Variants in SRBD1 observed in about 807,000 individuals in gnomAD.
SRBD1 encodes S1 RNA binding domain 1.
Under a neutral mutation model 115.3 loss-of-function variants are expected in SRBD1, and 88 were observed. That is an observed-to-expected ratio of 0.76 (90% CI 0.64 to 0.91). The LOEUF is 0.91. SRBD1 is among the 40% of genes least tolerant of loss of function. The pLI is 0.00. For synonymous variants in SRBD1, 509 were observed against 407.7 expected, an observed-to-expected ratio of 1.25 and a Z score of -2.99; for missense variants, 1,385 against 1,177.4, an observed-to-expected ratio of 1.18 and a Z score of -2.58.
chr2:45,425,710 TC>T (rs1041508733), intron 16 of SRBD1, among the ~76,000 whole-genome samples: 1 of 151,836 alleles, frequency 6.6e-6, no homozygotes, highest in Non-Finnish European at 1.5e-5. Flanking sequence ...GGGAACTCAC[TC>T]AGAAAGCACA....
At chr2:45,609,161 A>G (rs1000995884) in intron 1 of SRBD1, among the ~76,000 whole-genome samples, 2 of 152,210 alleles carry the variant, frequency 1.3e-5, no homozygotes, top group African/African-American at 2.4e-5. Flanking sequence ...TACACTGCAC[A>G]TGTTTAAAGT....
chr2:45,555,488 CT>C (rs35646522), intron 10 of SRBD1, among the ~76,000 whole-genome samples: 7,651 of 121,294 alleles, frequency 0.063, 155 homozygotes, highest in Non-Finnish European at 0.092. Context: ...TCATTAAACC[CT>C]TTTTTTTTTT....
intron 3 of SRBD1, among the ~76,000 whole-genome samples, chr2:45,600,893 C>T (rs1253717530): frequency 6.6e-6 from 1 of 152,074 alleles, no homozygotes; most frequent in Non-Finnish European, 1.5e-5. Flanking sequence ...ATATTAAGAA[C>T]TACAATAAAG....
chr2:45,507,688 C>T (rs1318160766), intron 14 of SRBD1, among the ~76,000 whole-genome samples: 3 of 151,420 alleles, frequency 2.0e-5, no homozygotes, highest in Non-Finnish European at 4.4e-5. Flanking sequence ...CCACTGTACT[C>T]GAACCTGGGC....
intron 19 of SRBD1, among the ~76,000 whole-genome samples, chr2:45,396,798 C>T (rs774390487): frequency 1.2e-4 from 19 of 152,220 alleles, no homozygotes; most frequent in Middle Eastern, 6.8e-3. Flanking sequence ...TCATTTCCAG[C>T]ATGGAGATTT....
At chr2:45,529,377 A>G (rs1157714129) in intron 14 of SRBD1, among the ~76,000 whole-genome samples, 2 of 152,014 alleles carry the variant, frequency 1.3e-5, no homozygotes, top group East Asian at 3.9e-4. Flanking sequence ...AAGAACTAAG[A>G]TATTTCAAAG....
chr2:45,574,525 C>G, intron 8 of SRBD1, 102 bp downstream of exon 8: 1 of 1,090,456 alleles, frequency 9.2e-7, no homozygotes, highest in Non-Finnish European at 1.3e-6. Context: ...AAAAAAAAGT[C>G]TGAAAACAAA....
At chr2:45,601,228 T>C (rs539125252) in intron 3 of SRBD1, among the ~76,000 whole-genome samples, 200 of 152,364 alleles carry the variant, frequency 1.3e-3, no homozygotes, top group African/African-American at 4.4e-3. Flanking sequence ...TGGATTTATC[T>C]CATCATCCTA....
chr2:45,580,541 A>G (rs1047699799), intron 6 of SRBD1, among the ~76,000 whole-genome samples: 3 of 47,522 alleles, frequency 6.3e-5, no homozygotes, highest in African/African-American at 2.5e-4. Context: ...TTGCATTTTT[A>G]GTAGAGACAG....
At chr2:45,508,677 A>G (rs1280842390) in intron 14 of SRBD1, among the ~76,000 whole-genome samples, 1 of 152,192 alleles carries the variant, frequency 6.6e-6, no homozygotes, top group Non-Finnish European at 1.5e-5. Context: ...TACAAACTCA[A>G]TGTGTGATAT....
At chr2:45,493,975 T>C (rs1001618593) in intron 14 of SRBD1, among the ~76,000 whole-genome samples, 4 of 152,130 alleles carry the variant, frequency 2.6e-5, no homozygotes, top group Admixed American at 6.5e-5. Flanking sequence ...CTCTCTGAAC[T>C]AGCTATTATA....
At chr2:45,449,002 C>T (rs1256843436) in intron 16 of SRBD1, among the ~76,000 whole-genome samples, 1 of 152,112 alleles carries the variant, frequency 6.6e-6, no homozygotes, top group East Asian at 1.9e-4. Flanking sequence ...GTGAACCCAG[C>T]TTTTAACTAT....
chr2:45,419,698 A>T, intron 17 of SRBD1, 90 bp downstream of exon 17: 1 of 1,095,582 alleles, frequency 9.1e-7, no homozygotes, highest in Non-Finnish European at 1.4e-6. Flanking sequence ...TGACAACTTT[A>T]TACACGTGTT....
Position 45,393,122 on chromosome 2 carries a change from A to G in SRBD1, c.2521T>C (p.Ser841Pro). 6.2e-7 allele frequency: 1 copy of G among 1,601,592 alleles called. No individual in the cohort carries two copies. Among genetic ancestry groups the G allele is most frequent in the Non-Finnish European group, 8.5e-7 (1 of 1,175,912 alleles). ...TCATACAGTGTCCCTCCAATGGATGACAAAAACCTGCAGTGGAAAAAATAA... is the reference window on the plus strand; with the variant it reads ...TCATACAGTGTCCCTCCAATGGATGGCAAAAACCTGCAGTGGAAAAAATAA... ...ESYDIAMRFL[S>P]SIGGTLYEVG... Residue 841 changes from serine (S) to proline (P), a missense_variant, in exon 20 of 21, where the codon TCA becomes CCA. Coordinates refer to ENST00000263736, the MANE Select transcript of SRBD1 (RefSeq NM_018079.5).
At position 45,403,584 on chromosome 2, in the gene SRBD1, A is replaced by T. The variant is rs865887015; in HGVS notation, c.2513+9530T>A. Among the ~76,000 whole-genome samples, 5 of 152,306 alleles carry T rather than the reference A, an allele frequency of 3.3e-5. 1 individual carries two copies. In the Middle Eastern group the frequency reaches 0.014, roughly 414 times the overall value. On this transcript the variant is annotated intron_variant, in intron 19 of 20. Coordinates refer to ENST00000263736, the MANE Select transcript of SRBD1 (RefSeq NM_018079.5). Reference sequence around the variant, plus strand: ...CAGCCAATAATTATAAACTAACCTGAAATTTAATTGTCACTAGCTTAGTAA... The same window carrying T: ...CAGCCAATAATTATAAACTAACCTGTAATTTAATTGTCACTAGCTTAGTAA...
At chr2:45,419,311 G>T (rs1667928892) in intron 17 of SRBD1, among the ~76,000 whole-genome samples, 1 of 152,174 alleles carries the variant, frequency 6.6e-6, no homozygotes, top group African/African-American at 2.4e-5. Context: ...TGGGGGAAAA[G>T]AAGATTATAT....
At chr2:45,427,596 C>T (rs1212432961) in intron 16 of SRBD1, among the ~76,000 whole-genome samples, 1 of 152,162 alleles carries the variant, frequency 6.6e-6, no homozygotes, top group African/African-American at 2.4e-5. Context: ...TAGAGGGACT[C>T]CTCCCTAATT....
chr2:45,598,762 G>C (rs1046467305), intron 4 of SRBD1, among the ~76,000 whole-genome samples: 11 of 152,124 alleles, frequency 7.2e-5, no homozygotes, highest in African/African-American at 2.7e-4. Flanking sequence ...AAGGGAAAGA[G>C]TACACAATAG....
chr2:45,606,184 A>T, intron 1 of SRBD1, among the ~76,000 whole-genome samples: 1 of 133,098 alleles, frequency 7.5e-6, no homozygotes. Flanking sequence ...TTTGAGACAG[A>T]GTTTCGCTCT....
Sources: gnomAD v4.1 joint callset for allele counts (sites outside exome capture counted in the v4.1 genomes callset) on GRCh38, gnomAD v4.1.1 for gene constraint, MANE v1.5 for transcripts, NCBI Gene and HGNC (gene_info 2026-07-23, HGNC 2026-07-21) for gene names.